The following FGF14 variants were observed in gnomAD, a reference collection of about 807,000 sequenced individuals.
The protein encoded by FGF14 is fibroblast growth factor 14.
Under a neutral mutation model 25.5 loss-of-function variants are expected in FGF14, and 5 were observed. That is an observed-to-expected ratio of 0.20 (90% confidence interval 0.10 to 0.41). The LOEUF (loss-of-function observed/expected upper bound fraction) is 0.41. Ranked by LOEUF, FGF14 falls within the 10% of genes least tolerant of loss-of-function variation. The probability of loss-of-function intolerance (pLI) is 1.00; values close to 1 mark genes in which losing one functional copy is unlikely to be tolerated. For missense variants in FGF14, 222 were observed against 320.1 expected (o/e 0.69, Z 2.34); for synonymous variants, 138 against 118.3 (o/e 1.17, Z -1.08).
At chr13:102,213,465 G>A (rs978191761) in intron 1 of FGF14, among the ~76,000 whole-genome samples, 50 of 152,256 alleles carry the variant, frequency 3.3e-4, no homozygotes, top group African/African-American at 1.2e-3. Context: ...TAAATGTGAA[G>A]CTGATTTTCA....
chr13:102,016,626 C>T (rs993153000), intron 1 of FGF14, among the ~76,000 whole-genome samples: 2 of 152,142 alleles, frequency 1.3e-5, no homozygotes, highest in Middle Eastern at 3.4e-3. Flanking sequence ...ACAAATGATA[C>T]AAATTTATGA....
intron 1 of FGF14, among the ~76,000 whole-genome samples, chr13:101,899,304 T>C (rs1250301751): frequency 6.6e-6 from 1 of 151,842 alleles, no homozygotes; most frequent in Non-Finnish European, 1.5e-5. Flanking sequence ...TTGCCAAAGA[T>C]ACCAAAGGGA....
At chr13:101,735,148 T>G (rs1178965727) in intron 3 of FGF14, among the ~76,000 whole-genome samples, 1 of 148,470 alleles carries the variant, frequency 6.7e-6, no homozygotes, top group Admixed American at 6.7e-5. Flanking sequence ...TTCCTAGAGG[T>G]GATCAAGTCC....
intron 1 of FGF14, among the ~76,000 whole-genome samples, chr13:102,142,625 T>C (rs1238938130): frequency 2.0e-5 from 3 of 152,288 alleles, no homozygotes; most frequent in Middle Eastern, 3.4e-3. Flanking sequence ...GAGATGCCTC[T>C]AAGGTAGAAA....
intron 1 of FGF14, among the ~76,000 whole-genome samples, chr13:101,996,275 A>G (rs558884593): frequency 6.6e-6 from 1 of 152,340 alleles, no homozygotes; most frequent in East Asian, 1.9e-4. Context: ...GAGGCAGATC[A>G]TGGCAGACCT....
At chr13:102,161,638 A>T (rs1448665304) in intron 1 of FGF14, among the ~76,000 whole-genome samples, 454 of 11,576 alleles carry the variant, frequency 0.039, 61 homozygotes, top group African/African-American at 0.15. Flanking sequence ...GAAGAAGAAG[A>T]AGAAGAAGAA....
At chr13:102,309,409 C>G (rs139301258) in intron 1 of FGF14, among the ~76,000 whole-genome samples, 3 of 152,272 alleles carry the variant, frequency 2.0e-5, no homozygotes, top group Non-Finnish European at 2.9e-5. Context: ...ACGGGGCTAT[C>G]AGCCTGCACT....
chr13:102,060,398 C>T (rs181534890), intron 1 of FGF14, among the ~76,000 whole-genome samples: 3,349 of 152,178 alleles, frequency 0.022, 148 homozygotes, highest in African/African-American at 0.076. Context: ...TGGTGGCGGG[C>T]GCCTGTAGTC....
chr13:102,235,093 T>C (rs1318370671), intron 1 of FGF14, among the ~76,000 whole-genome samples: 1 of 152,232 alleles, frequency 6.6e-6, no homozygotes, highest in East Asian at 1.9e-4. Flanking sequence ...TTTATAAATT[T>C]GGTTTACTCA....
intron 1 of FGF14, among the ~76,000 whole-genome samples, chr13:102,024,984 C>T (rs771979475): frequency 4.5e-4 from 68 of 150,450 alleles, no homozygotes; most frequent in Admixed American, 8.0e-4. Flanking sequence ...TATATATATA[C>T]ACACACACAT....
intron 3 of FGF14, among the ~76,000 whole-genome samples, chr13:101,783,473 A>AAAAAAAAAAAT (rs2039631523): frequency 6.6e-6 from 1 of 151,762 alleles, no homozygotes; most frequent in Non-Finnish European, 1.5e-5. Context: ...TGTCTCAAAA[A>AAAAAAAAAAAT]AAAAAAAAAG....
intron 3 of FGF14, among the ~76,000 whole-genome samples, chr13:101,841,355 C>T (rs560250033): frequency 6.6e-6 from 1 of 152,064 alleles, no homozygotes; most frequent in South Asian, 2.1e-4. Flanking sequence ...TACTCTTATA[C>T]TGGGTTCCAG....
intron 4 of FGF14, 26 bp from the exon 5 acceptor site, chr13:101,722,993 A>G (rs746528602): frequency 6.2e-7 from 1 of 1,612,944 alleles, no homozygotes; most frequent in South Asian, 1.1e-5. Context: ...AAGGAGGAGG[A>G]AAAGCAAACA....
intron 1 of FGF14, among the ~76,000 whole-genome samples, chr13:102,157,678 A>G (rs1018285688): frequency 6.6e-6 from 1 of 152,220 alleles, no homozygotes; most frequent in Non-Finnish European, 1.5e-5. Context: ...TAAACTAAAG[A>G]GCTTCTGCAC....
Position 101,801,997 on chromosome 13 carries a change from A to G in FGF14, c.408+66728T>C. The G allele has an allele frequency of 1.1e-5, 5 of 461,736 alleles. No individual in the cohort carries two copies. The Admixed American group carries it at 1.1e-4, about 10-fold the overall frequency. 28.6% of individuals were successfully genotyped at this position (461,736 alleles called of 1,614,324 possible). A position where few individuals can be genotyped will look rare whatever the true frequency, so the allele number is the denominator to read the frequency against. On this transcript the variant is annotated intron_variant, in intron 3 of 4. Transcript: ENST00000376143. The stretch of plus-strand genomic sequence containing the variant: ...CAGAGGTCCCTGTCAATTTAGCAGA[A>G]TTTTTCAAGATGTGCTCCGACAGGT...
At chr13:102,384,305 T>C (rs991224847) in intron 1 of FGF14, among the ~76,000 whole-genome samples, 1 of 152,066 alleles carries the variant, frequency 6.6e-6, no homozygotes, top group African/African-American at 2.4e-5. Flanking sequence ...CTACTAGAGG[T>C]ATATTTGGGA....
At chr13:102,151,833 A>G (rs1296888210) in intron 1 of FGF14, among the ~76,000 whole-genome samples, 2 of 152,210 alleles carry the variant, frequency 1.3e-5, no homozygotes, top group South Asian at 4.1e-4. Flanking sequence ...TCCATGTAAA[A>G]TAATGACTCA....
intron 1 of FGF14, among the ~76,000 whole-genome samples, chr13:101,908,601 A>G (rs9585808): frequency 0.016 from 2,494 of 152,292 alleles, 76 homozygotes; most frequent in African/African-American, 0.057. Flanking sequence ...GGATACAAAC[A>G]AATGGAAGAA....
chr13:101,885,232 T>G (rs2045929804), intron 1 of FGF14, among the ~76,000 whole-genome samples: 1 of 152,180 alleles, frequency 6.6e-6, no homozygotes, highest in South Asian at 2.1e-4. Context: ...TCATATTTTT[T>G]GCATTTCAGT....
Sources: allele counts gnomAD v4.1 joint callset (sites outside exome capture counted in the v4.1 genomes callset), GRCh38; gene constraint gnomAD v4.1.1; transcripts MANE v1.5; gene names NCBI Gene and HGNC (gene_info 2026-07-23, HGNC 2026-07-21).